Variants in RBFOX3 observed in about 807,000 individuals in gnomAD.
RBFOX3 encodes RNA binding fox-1 homolog 3, also known as RNA binding protein fox-1 homolog 3.
Under a neutral mutation model 48.7 loss-of-function variants are expected in RBFOX3, and 17 were observed. That is an observed-to-expected ratio of 0.35 (90% CI 0.24 to 0.52). The LOEUF is 0.52. Ranked by LOEUF, RBFOX3 falls within the 20% of genes least tolerant of loss-of-function variation. The pLI is 0.94. For synonymous variants in RBFOX3, 212 were observed against 209.5 expected (o/e 1.01, Z -0.10); for missense variants, 382 against 497.5 (o/e 0.77, Z 2.21).
chr17:79,318,982 C>G (rs983639850), intron 2 of RBFOX3, among the ~76,000 whole-genome samples: 3 of 150,910 alleles, frequency 2.0e-5, no homozygotes, highest in Admixed American at 6.6e-5. Flanking sequence ...ATGTAACTAA[C>G]CTGCACGTTG....
rs537133332 is a variant in RBFOX3, at chr17:79,254,626, G to A, written c.-73-18821C>T. On this transcript the variant is annotated intron_variant, in intron 3 of 14. Coordinates refer to ENST00000693108, the MANE Select transcript of RBFOX3 (RefSeq NM_001350451.2). This position sits in a 1 kb window ranked among gnomAD's most constrained non-coding sequence, Gnocchi z 4.8. ...CCCCAGGGATCTCCCACCTGCTTGG[G>A]TTGGTCTTATGCCACCAGGGGCCAC... is the stretch of plus-strand genomic sequence containing the variant. 6.6e-6 allele frequency among the ~76,000 whole-genome samples: 1 copy of A among 152,252 alleles called. No homozygotes were observed. The highest frequency in any genetic ancestry group is 6.5e-5 in the Admixed American group (1 of 15,306).
At chr17:79,156,498 G>A (rs530619265) in intron 4 of RBFOX3, among the ~76,000 whole-genome samples, 27 of 152,278 alleles carry the variant, frequency 1.8e-4, no homozygotes, top group Admixed American at 1.5e-3. Context: ...TTCCTTGGCT[G>A]CCCTCACCCC....
At chr17:79,102,046 T>A (rs997943423) in intron 8 of RBFOX3, among the ~76,000 whole-genome samples, 4 of 152,080 alleles carry the variant, frequency 2.6e-5, no homozygotes, top group Non-Finnish European at 5.9e-5. Context: ...TAGGCATGGG[T>A]ACCAAGATGG....
At chr17:79,526,550 G>A (rs2086826877) in intron 1 of RBFOX3, among the ~76,000 whole-genome samples, 1 of 152,244 alleles carries the variant, frequency 6.6e-6, no homozygotes, top group Non-Finnish European at 1.5e-5. Context: ...TCATGAGATA[G>A]GAAGTATCCT....
rs1484419197 is a variant in RBFOX3 at position 79,249,667 on chromosome 17, C to G, written c.-73-13862G>C. Among the ~76,000 whole-genome samples the G allele has an allele frequency of 6.6e-6, 1 of 151,628 alleles. No individual in the cohort carries two copies. Among genetic ancestry groups the G allele is most frequent in the Admixed American group, 6.6e-5 (1 of 15,158 alleles). ...CTGAAATGATCCAAACCAGCCAGCC[C>G]CAAAACCACTTCCCCTGCCTCGCCC... is the stretch of plus-strand genomic sequence containing the variant. On this transcript the variant is annotated intron_variant, in intron 3 of 14. Transcript: ENST00000693108. The surrounding 1 kb of genome is among the most constrained non-coding windows in gnomAD (Gnocchi z 4.1).
intron 2 of RBFOX3, among the ~76,000 whole-genome samples, chr17:79,328,216 G>A (rs995847604): frequency 1.3e-5 from 2 of 152,218 alleles, no homozygotes; most frequent in Non-Finnish European, 2.9e-5. Context: ...TCCAGGAGGC[G>A]TGAGGCTGGA....
chr17:79,148,842 C>T (rs1456435877), intron 4 of RBFOX3, among the ~76,000 whole-genome samples: 1 of 152,174 alleles, frequency 6.6e-6, no homozygotes, highest in Non-Finnish European at 1.5e-5. Context: ...AGGCCAAAGT[C>T]CCCAGAGGAT....
At chr17:79,333,358 CT>C (rs2146408551) in intron 2 of RBFOX3, among the ~76,000 whole-genome samples, 1 of 152,338 alleles carries the variant, frequency 6.6e-6, no homozygotes, top group South Asian at 2.1e-4. Context: ...CTGCAATGGT[CT>C]TGCTTTCTTT....
chr17:79,383,380 G>A (rs894586818), intron 2 of RBFOX3, among the ~76,000 whole-genome samples: 2 of 152,246 alleles, frequency 1.3e-5, no homozygotes, highest in African/African-American at 2.4e-5. Flanking sequence ...CCACGGCCGC[G>A]GCGGTGCACC....
At chr17:79,264,183 C>T (rs1225105807) in intron 3 of RBFOX3, among the ~76,000 whole-genome samples, 1 of 151,222 alleles carries the variant, frequency 6.6e-6, no homozygotes, top group Non-Finnish European at 1.5e-5. Context: ...TCAAGTGATT[C>T]TCATCCCTCG....
intron 2 of RBFOX3, among the ~76,000 whole-genome samples, chr17:79,452,814 G>A (rs62061737): frequency 0.035 from 5,291 of 152,316 alleles, 124 homozygotes; most frequent in Non-Finnish European, 0.05. Flanking sequence ...GGCACAGAGA[G>A]CTTGCACAAC....
intron 4 of RBFOX3, among the ~76,000 whole-genome samples, chr17:79,166,510 G>T (rs535614288): frequency 6.6e-6 from 1 of 152,292 alleles, no homozygotes; most frequent in Admixed American, 6.5e-5. Flanking sequence ...GAGCTGAGAT[G>T]GGGGAAGGGA....
chr17:79,620,431 GCACACATGCACATGCACACATGCGCA>G, the RBFOX3 span, among the ~76,000 whole-genome samples: 2 of 134,430 alleles, frequency 1.5e-5, no homozygotes, highest in African/African-American at 5.5e-5. Flanking sequence ...ACACGCACGT[GCACACATGCACATGCACACATGCGCA>G]CACACATGCA....
In RBFOX3 at chr17:79,523,090, T is replaced by C. The variant is rs34827552; in HGVS notation, c.-319-40492A>G. On this transcript the variant is annotated intron_variant, in intron 1 of 14. Transcript: ENST00000693108. ...GAGGTTCCCAGAATAGCCAAATCCA[T>C]AGGGACAGAAGGAAGAATGGAGGTT... Among the ~76,000 whole-genome samples the C allele has an allele frequency of 7.5e-3, 1,122 of 149,124 alleles. 3 individuals carry two copies. The highest frequency in any genetic ancestry group is 0.011 in the Non-Finnish European group (774 of 67,516).
intron 4 of RBFOX3, chr17:79,233,682 C>A (rs949184871): frequency 9.9e-5 from 15 of 151,888 alleles, no homozygotes; most frequent in African/African-American, 3.4e-4. Context: ...TCTCGGCTCA[C>A]TGCAACCTCT....
At chr17:79,109,808 C>T (rs963705262) in intron 5 of RBFOX3, among the ~76,000 whole-genome samples, 10 of 152,146 alleles carry the variant, frequency 6.6e-5, no homozygotes, top group African/African-American at 1.7e-4. Flanking sequence ...CACCCACAGG[C>T]GCTGGGGCAT....
At chr17:79,508,587 T>C (rs1267618567) in intron 1 of RBFOX3, among the ~76,000 whole-genome samples, 6 of 152,046 alleles carry the variant, frequency 3.9e-5, no homozygotes, top group Non-Finnish European at 8.8e-5. Flanking sequence ...TCATCTGGGG[T>C]TGGGGTGGGC....
intron 2 of RBFOX3, among the ~76,000 whole-genome samples, chr17:79,405,388 G>A (rs1342967638): frequency 7.7e-6 from 1 of 129,444 alleles, no homozygotes; most frequent in Non-Finnish European, 1.6e-5. Flanking sequence ...TCATCAACTA[G>A]GGTTTGACAT....
chr17:79,450,442 C>T (rs1281250918), intron 2 of RBFOX3, among the ~76,000 whole-genome samples: 8 of 152,208 alleles, frequency 5.3e-5, no homozygotes, highest in African/African-American at 1.7e-4. Context: ...ATGTCCCCAT[C>T]GGAGCCATCC....
Sources: allele counts gnomAD v4.1 joint callset (sites outside exome capture counted in the v4.1 genomes callset), GRCh38; gene constraint gnomAD v4.1.1; non-coding constraint Gnocchi (gnomAD v3.1); transcripts MANE v1.5; gene names NCBI Gene and HGNC (gene_info 2026-07-23, HGNC 2026-07-21).